Variants in MPP7 observed in about 807,000 individuals in gnomAD.
The protein encoded by MPP7 is MAGUK p55 scaffold protein 7.
MPP7 carries 60 observed loss-of-function variants against 76.5 expected under a neutral mutation model. That is an observed-to-expected ratio of 0.78 (90% CI 0.64 to 0.97). The LOEUF is 0.97. Among genes scored for constraint, MPP7 ranks in the 50% least tolerant of loss-of-function variants. MPP7 has a pLI of 0.00. For synonymous variants in MPP7, 237 were observed against 244.5 expected, an observed-to-expected ratio of 0.97 and a Z score of 0.29; for missense variants, 641 against 694.0, an observed-to-expected ratio of 0.92 and a Z score of 0.86.
chr10:28,073,719 A>C (rs1259805603), intron 12 of MPP7, among the ~76,000 whole-genome samples: 5 of 152,122 alleles, frequency 3.3e-5, no homozygotes, highest in African/African-American at 9.7e-5. Flanking sequence ...GCAGTGGGCC[A>C]AGATTGCATC....
chr10:28,312,022 AC>A (rs1841292665), intron 2 of MPP7, among the ~76,000 whole-genome samples: 2 of 152,148 alleles, frequency 1.3e-5, no homozygotes, highest in Non-Finnish European at 2.9e-5. Flanking sequence ...GGTCTGGCTG[AC>A]TTCAAGAATG....
At chr10:28,089,307 A>C (rs1166261206) in intron 12 of MPP7, among the ~76,000 whole-genome samples, 1 of 152,180 alleles carries the variant, frequency 6.6e-6, no homozygotes. Flanking sequence ...TCTAAATGCC[A>C]TCTGAAGCTT....
chr10:28,089,737 T>C lies in MPP7; in HGVS notation c.1057A>G (p.Thr353Ala). 6.2e-7 allele frequency: 1 copy of C among 1,613,966 alleles called. No homozygotes were observed. The highest frequency in any genetic ancestry group is 8.5e-7 in the Non-Finnish European group (1 of 1,179,870). ...CGATACGGTGTCACTTCTTCGTATG[T>C]GGGTACGTCAGCTGTGTCGTACTGA... is the stretch of plus-strand genomic sequence containing the variant. ...SDQYDTADVPTYEEVTPYRRQ... is the reference protein window; with the variant it reads ...SDQYDTADVPAYEEVTPYRRQ... Residue 353 changes from threonine to alanine, a missense_variant, in exon 12 of 17, where the codon ACA becomes GCA. Transcript: ENST00000683449.
intron 1 of MPP7, among the ~76,000 whole-genome samples, chr10:28,333,801 G>A (rs1424830280): frequency 6.6e-6 from 1 of 152,148 alleles, no homozygotes; most frequent in African/African-American, 2.4e-5. Context: ...TAGAAACAAA[G>A]GAAAAGCAGA....
At chr10:28,270,474 G>A (rs961487072) in intron 1 of MPP7, among the ~76,000 whole-genome samples, 6 of 140,612 alleles carry the variant, frequency 4.3e-5, no homozygotes, top group East Asian at 2.1e-4. Context: ...TCACTTGAGC[G>A]CAGGAATTCC....
intron 1 of MPP7, among the ~76,000 whole-genome samples, chr10:28,332,246 C>CGTGTGTGTGTGTGTGTGGGTGT (rs1554871688): frequency 3.4e-5 from 5 of 146,794 alleles, no homozygotes; most frequent in African/African-American, 1.3e-4. Context: ...CAAATGTATG[C>CGTGTGTGTGTGTGTGTGGGTGT]GTGTGTGTGT....
chr10:28,094,419 C>T (rs1181091635), intron 11 of MPP7, among the ~76,000 whole-genome samples: 1 of 152,166 alleles, frequency 6.6e-6, no homozygotes, highest in South Asian at 2.1e-4. Flanking sequence ...CTCATTTCCT[C>T]TACTTTAAAA....
chr10:28,243,476 C>G (rs533653930), intron 1 of MPP7, among the ~76,000 whole-genome samples: 1 of 151,628 alleles, frequency 6.6e-6, no homozygotes, highest in Non-Finnish European at 1.5e-5. Context: ...TTCCCATTTT[C>G]TACTAACACA....
intron 3 of MPP7, among the ~76,000 whole-genome samples, chr10:28,179,649 A>G (rs1836995882): frequency 6.6e-6 from 1 of 152,192 alleles, no homozygotes; most frequent in Non-Finnish European, 1.5e-5. Context: ...TGACAGAACT[A>G]AATTCTTTAA....
At chr10:28,205,849 T>G (rs916907180) in intron 2 of MPP7, among the ~76,000 whole-genome samples, 1 of 152,168 alleles carries the variant, frequency 6.6e-6, no homozygotes, top group South Asian at 2.1e-4. Context: ...TAAACCCCAA[T>G]GCAAGAGCGT....
intron 2 of MPP7, among the ~76,000 whole-genome samples, chr10:28,311,859 C>A (rs1403205937): frequency 6.6e-6 from 1 of 151,994 alleles, no homozygotes; most frequent in Non-Finnish European, 1.5e-5. Flanking sequence ...TTAAGTTGAA[C>A]CAGTTTGGAT....
chr10:28,265,121 T>G (rs1840106030), intron 1 of MPP7, among the ~76,000 whole-genome samples: 1 of 152,154 alleles, frequency 6.6e-6, no homozygotes, highest in Non-Finnish European at 1.5e-5. Context: ...TGAGTTCCCA[T>G]CAGAGGTATT....
chr10:28,061,066 C>A (rs11006818), intron 13 of MPP7, among the ~76,000 whole-genome samples: 1 of 151,824 alleles, frequency 6.6e-6, no homozygotes, highest in African/African-American at 2.4e-5. Flanking sequence ...AACATTCTCC[C>A]GAATATGGTA....
chr10:28,294,994 G>A (rs941441163), intron 1 of MPP7, among the ~76,000 whole-genome samples: 1 of 152,142 alleles, frequency 6.6e-6, no homozygotes, highest in African/African-American at 2.4e-5. Context: ...CCCCTGCAGT[G>A]GCTGTAGCAC....
intron 1 of MPP7, among the ~76,000 whole-genome samples, chr10:28,295,612 G>A (rs1465886084): frequency 6.6e-6 from 1 of 152,138 alleles, no homozygotes; most frequent in Non-Finnish European, 1.5e-5. Context: ...ACTGCTTTAA[G>A]TGCACATACA....
At chr10:28,152,769 C>G (rs1835924684) in intron 3 of MPP7, among the ~76,000 whole-genome samples, 1 of 152,046 alleles carries the variant, frequency 6.6e-6, no homozygotes, top group African/African-American at 2.4e-5. Flanking sequence ...AAAATTTACT[C>G]TGATACAGGG....
chr10:28,162,120 G>C (rs1011592702), intron 3 of MPP7, among the ~76,000 whole-genome samples: 2 of 152,034 alleles, frequency 1.3e-5, no homozygotes, highest in Non-Finnish European at 2.9e-5. Flanking sequence ...ATGAAGCTTT[G>C]GACTTCAGGG....
At chr10:28,244,433 A>G (rs547598724) in intron 1 of MPP7, among the ~76,000 whole-genome samples, 9 of 152,170 alleles carry the variant, frequency 5.9e-5, no homozygotes, top group Non-Finnish European at 1.2e-4. Context: ...CAGACTTACA[A>G]CTGGCCAAGT....
At chr10:28,060,898 C>T (rs114737755) in intron 13 of MPP7, among the ~76,000 whole-genome samples, 26 of 152,262 alleles carry the variant, frequency 1.7e-4, no homozygotes, top group African/African-American at 5.5e-4. Flanking sequence ...AAAAGAGTAT[C>T]GCAAAACATA....
Sources: allele counts gnomAD v4.1 joint callset (sites outside exome capture counted in the v4.1 genomes callset), GRCh38; gene constraint gnomAD v4.1.1; transcripts MANE v1.5; gene names NCBI Gene and HGNC (gene_info 2026-07-23, HGNC 2026-07-21).